SLC24A2: variants seen among roughly 807,000 people sequenced by gnomAD.
SLC24A2 encodes the protein solute carrier family 24 member 2, also known as sodium/potassium/calcium exchanger 2.
A neutral mutation model predicts 62.0 loss-of-function variants in SLC24A2; 36 were observed. That is an observed-to-expected ratio of 0.58 (90% CI 0.44 to 0.77). The LOEUF (loss-of-function observed/expected upper bound fraction) is 0.77. Among genes scored for constraint, SLC24A2 ranks in the 30% least tolerant of loss-of-function variants. The pLI, the probability that SLC24A2 is intolerant of heterozygous loss-of-function variation, is 0.00. For synonymous variants in SLC24A2, 358 were observed against 294.0 expected, an observed-to-expected ratio of 1.22 and a Z score of -2.23; for missense variants, 846 against 817.9, an observed-to-expected ratio of 1.03 and a Z score of -0.42.
At chr9:20,258,777 T>C in the SLC24A2 span, among the ~76,000 whole-genome samples, 1 of 129,210 alleles carries the variant, frequency 7.7e-6, no homozygotes. Context: ...TCTATCTATC[T>C]ATCTATCTAT....
chr9:20,094,266 A>C, the SLC24A2 span, among the ~76,000 whole-genome samples: 2 of 152,218 alleles, frequency 1.3e-5, no homozygotes, highest in Admixed American at 6.5e-5. Context: ...TTTGAGTTGC[A>C]AGCTAAAGTA....
At chr9:19,845,899 A>G in the SLC24A2 span, among the ~76,000 whole-genome samples, 1 of 152,086 alleles carries the variant, frequency 6.6e-6, no homozygotes, top group African/African-American at 2.4e-5. Flanking sequence ...GTGTGTTTTT[A>G]AGAGATCTTC....
the SLC24A2 span, among the ~76,000 whole-genome samples, chr9:20,204,648 G>A: frequency 9.2e-5 from 14 of 151,724 alleles, no homozygotes; most frequent in African/African-American, 2.9e-4. Flanking sequence ...AGTAGTTACT[G>A]TATTCTGCAT....
the SLC24A2 span, among the ~76,000 whole-genome samples, chr9:20,045,960 G>A: frequency 2.6e-5 from 4 of 152,172 alleles, no homozygotes; most frequent in African/African-American, 7.2e-5. Flanking sequence ...AGAACAACTA[G>A]TGCAAAGGAC....
the SLC24A2 span, among the ~76,000 whole-genome samples, chr9:20,294,923 A>G: frequency 6.6e-6 from 1 of 152,032 alleles, no homozygotes; most frequent in Non-Finnish European, 1.5e-5. Flanking sequence ...ATACTGGCAA[A>G]ACTCAAATTG....
chr9:20,183,785 G>A, the SLC24A2 span, among the ~76,000 whole-genome samples: 4 of 152,152 alleles, frequency 2.6e-5, no homozygotes, highest in Non-Finnish European at 4.4e-5. Context: ...AGGCCTAGAG[G>A]GAGAGAGGGA....
chr9:19,679,271 G>A (rs1290898269), intron 2 of SLC24A2, among the ~76,000 whole-genome samples: 1 of 152,112 alleles, frequency 6.6e-6, no homozygotes, highest in Admixed American at 6.6e-5. Context: ...GATGCATAAA[G>A]GTTTATTTCT....
chr9:20,145,300 A>T, the SLC24A2 span, among the ~76,000 whole-genome samples: 12 of 152,174 alleles, frequency 7.9e-5, no homozygotes, highest in African/African-American at 2.4e-4. Flanking sequence ...ATGGTCTGCA[A>T]AAGTAAGGGT....
chr9:19,921,469 T>C, the SLC24A2 span, among the ~76,000 whole-genome samples: 2 of 149,280 alleles, frequency 1.3e-5, no homozygotes, highest in East Asian at 2.0e-4. Context: ...TGAGCCAAGA[T>C]TGCACCACTG....
chr9:19,676,267 G>C (rs2118356217), intron 2 of SLC24A2, among the ~76,000 whole-genome samples: 1 of 152,244 alleles, frequency 6.6e-6, no homozygotes, highest in Non-Finnish European at 1.5e-5. Flanking sequence ...TCCTTCAAAG[G>C]GTCTGTAGAT....
the SLC24A2 span, among the ~76,000 whole-genome samples, chr9:20,014,855 T>C: frequency 6.6e-6 from 1 of 152,164 alleles, no homozygotes; most frequent in African/African-American, 2.4e-5. Flanking sequence ...ATGTATTATA[T>C]ATTTCAAAAT....
the SLC24A2 span, among the ~76,000 whole-genome samples, chr9:20,051,952 G>T: frequency 6.6e-6 from 1 of 151,806 alleles, no homozygotes; most frequent in Non-Finnish European, 1.5e-5. Context: ...GTAAACTCTG[G>T]ATAATAATTG....
At chr9:20,039,512 T>A in the SLC24A2 span, among the ~76,000 whole-genome samples, 2 of 151,886 alleles carry the variant, frequency 1.3e-5, no homozygotes, top group African/African-American at 2.4e-5. Context: ...GACCCAACTA[T>A]ATTGGGAAGA....
chr9:19,515,316 C>T lies in SLC24A2; in HGVS notation c.*837G>A, dbSNP rs953183890. 1 of 152,148 alleles carries T rather than the reference C, an allele frequency of 6.6e-6. No homozygotes were observed. The highest frequency in any genetic ancestry group is 2.4e-5 in the African/African-American group (1 of 41,428). The allele number at this position is 152,148 out of a possible 1,614,324, so 9.4% of individuals were successfully genotyped here. On this transcript the variant is annotated 3_prime_UTR_variant, in exon 11 of 11. Transcript: ENST00000341998. ...CCAAGCCACCCAGCCTGGGTTTTTA[C>T]CTCTTTCTGTCCTAAGTACCCTGAG...
chr9:19,611,881 A>C (rs114453753), intron 4 of SLC24A2, among the ~76,000 whole-genome samples: 304 of 152,266 alleles, frequency 2.0e-3, no homozygotes, highest in Middle Eastern at 0.01. Context: ...ATTTCCCCAA[A>C]TCGATCTCAT....
chr9:19,709,500 C>T (rs974391785), intron 2 of SLC24A2, among the ~76,000 whole-genome samples: 1 of 151,910 alleles, frequency 6.6e-6, no homozygotes, highest in East Asian at 1.9e-4. Flanking sequence ...GACTTGGAAC[C>T]AACCCAAATG....
At chr9:19,994,679 G>A in the SLC24A2 span, among the ~76,000 whole-genome samples, 1 of 152,146 alleles carries the variant, frequency 6.6e-6, no homozygotes, top group Non-Finnish European at 1.5e-5. Flanking sequence ...GACCTCTGAG[G>A]GCCTCTGCAT....
the SLC24A2 span, among the ~76,000 whole-genome samples, chr9:19,984,191 A>C: frequency 6.6e-6 from 1 of 152,166 alleles, no homozygotes; most frequent in African/African-American, 2.4e-5. Context: ...ATTCAATACA[A>C]TCTCTATCAA....
the SLC24A2 span, among the ~76,000 whole-genome samples, chr9:20,030,967 C>A: frequency 1.3e-5 from 2 of 152,060 alleles, no homozygotes; most frequent in African/African-American, 4.8e-5. Flanking sequence ...AGGAAAGAAA[C>A]CCTTTTGGTG....
Sources: gnomAD v4.1 joint callset for allele counts (sites outside exome capture counted in the v4.1 genomes callset) on GRCh38, gnomAD v4.1.1 for gene constraint, MANE v1.5 for transcripts, NCBI Gene and HGNC (gene_info 2026-07-23, HGNC 2026-07-21) for gene names.